ACTR10: variants seen among roughly 807,000 people sequenced by gnomAD.
ACTR10 encodes the protein actin related protein 10.
ACTR10 carries 43 observed loss-of-function variants against 56.2 expected under a neutral mutation model. The observed-to-expected ratio is 0.77, with a 90% CI of 0.60 to 0.99. The LOEUF (loss-of-function observed/expected upper bound fraction) is 0.99, where lower values mean the gene tolerates loss of function less well. Ranked by LOEUF, ACTR10 falls within the 50% of genes least tolerant of loss-of-function variation. The probability of loss-of-function intolerance (pLI) is 0.00; values close to 1 mark genes in which losing one functional copy is unlikely to be tolerated. For synonymous variants in ACTR10, 170 were observed against 176.3 expected (o/e 0.96, Z 0.28); for missense variants, 466 against 507.8 (o/e 0.92, Z 0.79).
intron 6 of ACTR10, among the ~76,000 whole-genome samples, chr14:58,214,770 C>T (rs1314316445): frequency 1.4e-5 from 2 of 147,006 alleles, no homozygotes; most frequent in African/African-American, 2.5e-5. Flanking sequence ...GGATTACAGG[C>T]GTGAGCCACC....
intron 6 of ACTR10, among the ~76,000 whole-genome samples, chr14:58,214,284 T>C (rs1031242794): frequency 1.3e-5 from 2 of 152,240 alleles, no homozygotes; most frequent in Non-Finnish European, 1.5e-5. Flanking sequence ...TTTCTATGCA[T>C]GGCTTATTTC....
At chr14:58,220,597 A>G (rs555835161) in intron 8 of ACTR10, among the ~76,000 whole-genome samples, 1 of 152,356 alleles carries the variant, frequency 6.6e-6, no homozygotes, top group South Asian at 2.1e-4. Flanking sequence ...CCTCCGTGAT[A>G]TAACAGTTGT....
At chr14:58,228,617 C>T (rs1167038062) in intron 10 of ACTR10, among the ~76,000 whole-genome samples, 1 of 145,144 alleles carries the variant, frequency 6.9e-6, no homozygotes, top group African/African-American at 2.5e-5. Context: ...AAAAAAAGTC[C>T]GACATATTAC....
rs568060994 is a variant in ACTR10, at chr14:58,217,660, C to T, written c.599-2034C>T. ...CAACCTGGGTGACAGAGGGAGACTC[C>T]GTCTCAAAAAAAAAAAAAAAGAAAA... On this transcript the variant is annotated intron_variant, in intron 7 of 12. Transcript: ENST00000254286. 3.2e-4 allele frequency among the ~76,000 whole-genome samples: 47 copies of T among 146,246 alleles called. 1 individual carries two copies. The highest frequency in any genetic ancestry group is 1.4e-4 in the Admixed American group (2 of 14,606).
chr14:58,226,177 G>T (rs1368761464), intron 10 of ACTR10, among the ~76,000 whole-genome samples: 2 of 152,180 alleles, frequency 1.3e-5, no homozygotes, highest in African/African-American at 4.8e-5. Context: ...GAGGTGGGAG[G>T]ATCACTTGAG....
chr14:58,211,821 T>C (rs558188781), intron 5 of ACTR10, among the ~76,000 whole-genome samples: 2 of 152,116 alleles, frequency 1.3e-5, no homozygotes, highest in East Asian at 3.9e-4. Context: ...GCCTCTGTAG[T>C]CGCAGCTACT....
intron 10 of ACTR10, among the ~76,000 whole-genome samples, chr14:58,227,091 T>C (rs1003701463): frequency 7.2e-5 from 11 of 152,238 alleles, no homozygotes; most frequent in Non-Finnish European, 1.3e-4. Flanking sequence ...AGACCTTTTA[T>C]TTGAGGCTAA....
chr14:58,203,254 A>G (rs1270260326), intron 2 of ACTR10, among the ~76,000 whole-genome samples: 1 of 149,068 alleles, frequency 6.7e-6, no homozygotes, highest in Non-Finnish European at 1.5e-5. Context: ...GTGAGCCAAA[A>G]TCAAGCCATC....
chr14:58,212,680 T>C (rs931426238), intron 5 of ACTR10, among the ~76,000 whole-genome samples: 5 of 152,222 alleles, frequency 3.3e-5, no homozygotes, highest in Admixed American at 2.0e-4. Flanking sequence ...CCTCTTCTTA[T>C]AAACATGTAG....
rs369955236 is a variant in ACTR10 at position 58,213,660 on chromosome 14, T to C, written c.480T>C (p.Cys160=). 4.3e-6 allele frequency: 7 copies of C among 1,612,602 alleles called. No individual in the cohort carries two copies. The highest frequency in any genetic ancestry group is 2.7e-5 in the African/African-American group (2 of 74,864). Residue 160 remains cysteine (C), a synonymous_variant, in exon 6 of 13, where the codon TGT becomes TGC. Transcript: ENST00000254286. ...PIYEGIPVLN[C]WGALPLGGKA... ...ATGAAGGAATCCCAGTTCTAAATTG[T>C]TGGGGAGCACTACCCCTAGGAGGAA...
chr14:58,211,929 G>C (rs1889007929), intron 5 of ACTR10, among the ~76,000 whole-genome samples: 1 of 146,324 alleles, frequency 6.8e-6, no homozygotes, highest in South Asian at 2.2e-4. Context: ...GACAGAGCGA[G>C]ACTCTGTCTC....
At chr14:58,219,937 A>G (rs1889224602) in intron 8 of ACTR10, among the ~76,000 whole-genome samples, 1 of 152,184 alleles carries the variant, frequency 6.6e-6, no homozygotes, top group African/African-American at 2.4e-5. Context: ...TGTGTTACTG[A>G]AGCAGCTTCT....
At chr14:58,216,391 A>G (rs1173025783) in intron 7 of ACTR10, among the ~76,000 whole-genome samples, 9 of 152,174 alleles carry the variant, frequency 5.9e-5, no homozygotes, top group African/African-American at 2.2e-4. Context: ...CCGCCTCCCA[A>G]AATGCTGGGA....
chr14:58,215,451 C>T (rs570104587), intron 7 of ACTR10, among the ~76,000 whole-genome samples, 167 bp downstream of exon 7: 5 of 152,216 alleles, frequency 3.3e-5, no homozygotes, highest in Admixed American at 3.3e-4. Context: ...TCACTAAATT[C>T]AATAGTTTGA....
chr14:58,222,381 A>C (rs1488921689), intron 8 of ACTR10, among the ~76,000 whole-genome samples: 1 of 152,212 alleles, frequency 6.6e-6, no homozygotes, highest in Non-Finnish European at 1.5e-5. Flanking sequence ...AGTAGAAAGA[A>C]AGTGGTAGTG....
intron 7 of ACTR10, among the ~76,000 whole-genome samples, chr14:58,219,220 C>G (rs1889209815): frequency 6.6e-6 from 1 of 152,122 alleles, no homozygotes; most frequent in Admixed American, 6.5e-5. Flanking sequence ...GTAATATATC[C>G]AAACCAAAGG....
chr14:58,223,038 A>AT (rs544204179), intron 8 of ACTR10, among the ~76,000 whole-genome samples: 20 of 152,060 alleles, frequency 1.3e-4, no homozygotes, highest in Admixed American at 4.6e-4. Flanking sequence ...CTCAAAGGTG[A>AT]TTTTTTTTAA....
chr14:58,215,069 T>G, intron 6 of ACTR10, 136 bp from the exon 7 acceptor site: 1 of 523,022 alleles, frequency 1.9e-6, no homozygotes, highest in South Asian at 2.9e-5. Flanking sequence ...TTGCGCCACT[T>G]CACTCCAGCC....
chr14:58,202,304 A>G (rs1171827272), intron 1 of ACTR10, among the ~76,000 whole-genome samples: 1 of 151,976 alleles, frequency 6.6e-6, no homozygotes, highest in Non-Finnish European at 1.5e-5. Context: ...AAAGTTGGCC[A>G]GGCGCGGTGG....
Sources: allele counts gnomAD v4.1 joint callset (sites outside exome capture counted in the v4.1 genomes callset), GRCh38; gene constraint gnomAD v4.1.1; transcripts MANE v1.5; gene names NCBI Gene and HGNC (gene_info 2026-07-23, HGNC 2026-07-21).